FRMD5: variants seen among roughly 807,000 people sequenced by gnomAD.
The protein encoded by FRMD5 is FERM domain-containing protein 5.
In FRMD5, 20 loss-of-function variants were observed where a neutral mutation model predicts 69.0. The ratio of observed to expected loss-of-function variants is 0.29; its 90% CI spans 0.20 to 0.42. FRMD5 has a LOEUF of 0.42. FRMD5 is among the 10% of genes least tolerant of loss of function. The probability of loss-of-function intolerance (pLI) is 1.00; values close to 1 mark genes in which losing one functional copy is unlikely to be tolerated. For synonymous variants in FRMD5, 271 were observed against 260.1 expected (o/e 1.04, Z -0.40); for missense variants, 595 against 708.6 (o/e 0.84, Z 1.82).
At chr15:43,978,148 G>A (rs1193091157) in intron 1 of FRMD5, among the ~76,000 whole-genome samples, 1 of 152,212 alleles carries the variant, frequency 6.6e-6, no homozygotes, top group Non-Finnish European at 1.5e-5. Context: ...CCGTTGAGTT[G>A]CCTTCTCTCT....
intron 1 of FRMD5, among the ~76,000 whole-genome samples, chr15:44,122,884 CTG>C (rs2076974009): frequency 9.3e-6 from 1 of 107,890 alleles, no homozygotes; most frequent in Non-Finnish European, 2.1e-5. Context: ...GAGCAAGACT[CTG>C]TATCAAAAAA....
At chr15:44,066,096 T>G (rs1396821013) in intron 1 of FRMD5, among the ~76,000 whole-genome samples, 1 of 152,196 alleles carries the variant, frequency 6.6e-6, no homozygotes. Flanking sequence ...ATAAATTACC[T>G]TCTCAGTTTC....
In FRMD5 at chr15:43,960,888, A is replaced by G. The variant is rs16951483; in HGVS notation, c.103-36579T>C. Among the ~76,000 whole-genome samples, 1,082 of 152,336 alleles carry G rather than the reference A, an allele frequency of 7.1e-3. 17 individuals are homozygous for G. The highest frequency in any genetic ancestry group is 0.025 in the African/African-American group (1,026 of 41,572). On this transcript the variant is annotated intron_variant, in intron 1 of 13. Transcript: ENST00000417257. ...TAGACAAATTGAAGTCTAATCTTGT[A>G]TTTGAAAAAAACCTAAACTACATAG... is the stretch of plus-strand genomic sequence containing the variant.
intron 1 of FRMD5, among the ~76,000 whole-genome samples, chr15:43,974,380 G>A (rs2090432960): frequency 6.6e-6 from 1 of 152,144 alleles, no homozygotes; most frequent in Middle Eastern, 3.2e-3. Context: ...CTATCCAGTT[G>A]TCCAGAAATT....
In FRMD5 at chr15:44,045,995, A is replaced by G. The variant is rs369860436; in HGVS notation, c.103-121686T>C. On this transcript the variant is annotated intron_variant, in intron 1 of 13. Transcript: ENST00000417257. ...GTTGTATAGTCTCTTTGCTGCTATC[A>G]TTATGCACAGCACTGAAATGTTACT... 2.3e-4 allele frequency among the ~76,000 whole-genome samples: 35 copies of G among 152,280 alleles called. No individual in the cohort carries two copies. In the East Asian group the frequency reaches 6.4e-3, roughly 28 times the overall value.
In FRMD5 at chr15:43,905,883, T is replaced by G. The variant is rs1392315445; in HGVS notation, c.496A>C (p.Lys166Gln). Residue 166 changes from lysine (K) to glutamine (Q), a missense_variant, in exon 6 of 14, where the codon AAA (lysine) becomes CAA (glutamine). This residue lies in a region of FRMD5 where 51 missense variants were observed against 41.7 expected (regional missense o/e 1.22). Coordinates refer to ENST00000417257, the MANE Select transcript of FRMD5 (RefSeq NM_032892.5). Reference sequence around the variant, plus strand: ...TTCCTTTCCAGCTTCTCTGAATGTTTAGGGAAAAACTGGAACTTGGAGCTG... The same window carrying G: ...TTCCTTTCCAGCTTCTCTGAATGTTGAGGGAAAAACTGGAACTTGGAGCTG... ...GYSSKFQFFP[K>Q]HSEKLERKIA... 1 of 1,614,244 alleles carries G rather than the reference T, an allele frequency of 6.2e-7. No individual in the cohort carries two copies. The highest frequency in any genetic ancestry group is 1.7e-5 in the Admixed American group (1 of 60,032).
chr15:43,918,148 G>A (rs1340712207), intron 4 of FRMD5, among the ~76,000 whole-genome samples: 2 of 152,130 alleles, frequency 1.3e-5, no homozygotes, highest in East Asian at 1.9e-4. Context: ...AATTCTGGCC[G>A]GGCACGGTGG....
intron 1 of FRMD5, among the ~76,000 whole-genome samples, chr15:44,010,833 C>T (rs1461101987): frequency 6.6e-6 from 1 of 151,998 alleles, no homozygotes; most frequent in Non-Finnish European, 1.5e-5. Context: ...GGCAAAAGAG[C>T]CCTAACTGTG....
At chr15:43,929,844 C>T (rs963254818) in intron 1 of FRMD5, among the ~76,000 whole-genome samples, 5 of 152,142 alleles carry the variant, frequency 3.3e-5, no homozygotes, top group Non-Finnish European at 7.4e-5. Context: ...GCTTTCCTTC[C>T]ATGCCTTTTA....
intron 1 of FRMD5, among the ~76,000 whole-genome samples, chr15:44,085,493 C>G (rs534734509): frequency 1.1e-4 from 16 of 152,132 alleles, no homozygotes; most frequent in Non-Finnish European, 1.6e-4. Flanking sequence ...AGTAAGAAAA[C>G]AGAAGAGAAA....
intron 1 of FRMD5, among the ~76,000 whole-genome samples, chr15:44,020,790 TA>T (rs2140250402): frequency 6.6e-6 from 1 of 152,268 alleles, no homozygotes; most frequent in African/African-American, 2.4e-5. Flanking sequence ...CCCTGATTTG[TA>T]GTGTTTGTTG....
chr15:43,923,426 A>C (rs1246726121), intron 2 of FRMD5, among the ~76,000 whole-genome samples: 2 of 152,194 alleles, frequency 1.3e-5, no homozygotes, highest in Non-Finnish European at 2.9e-5. Context: ...AGGAAGTAAA[A>C]GTCTAAGCTG....
At chr15:44,122,534 G>A (rs1566957675) in intron 1 of FRMD5, among the ~76,000 whole-genome samples, 2 of 151,900 alleles carry the variant, frequency 1.3e-5, no homozygotes, top group Non-Finnish European at 2.9e-5. Flanking sequence ...AGCAGAGACC[G>A]CACCAGCCTG....
chr15:44,014,515 T>C (rs917750443), intron 1 of FRMD5, among the ~76,000 whole-genome samples: 3 of 152,174 alleles, frequency 2.0e-5, no homozygotes, highest in Admixed American at 2.0e-4. Flanking sequence ...GGCGGGAAGA[T>C]TGCCTGAGGT....
intron 1 of FRMD5, among the ~76,000 whole-genome samples, chr15:43,973,699 G>T (rs530134810): frequency 6.6e-6 from 1 of 152,006 alleles, no homozygotes; most frequent in African/African-American, 2.4e-5. Context: ...AGATCATATT[G>T]AGCATGATAC....
chr15:44,161,396 T>G (rs762078101), intron 1 of FRMD5, among the ~76,000 whole-genome samples: 9 of 152,150 alleles, frequency 5.9e-5, no homozygotes, highest in Non-Finnish European at 8.8e-5. Flanking sequence ...ATAAGCCTCT[T>G]TAGGATACCT....
rs181453513 is a variant in FRMD5, at chr15:44,040,942, G to A, written c.103-116633C>T. ...ACCCATCTCATCTGCAAAGACACAC[G>A]TAGGCTCAAAATAAAGGGATGGAGG... On this transcript the variant is annotated intron_variant, in intron 1 of 13. Transcript: ENST00000417257. Among the ~76,000 whole-genome samples, 455 of 125,832 alleles carry A rather than the reference G, an allele frequency of 3.6e-3. 1 individual carries two copies. The Middle Eastern group carries it at 0.036, about 10-fold the overall frequency. 82.6% of individuals were successfully genotyped at this position (125,832 alleles called of 152,430 possible).
intron 1 of FRMD5, among the ~76,000 whole-genome samples, chr15:43,962,751 GCA>G (rs1566864887): frequency 6.6e-6 from 1 of 152,076 alleles, no homozygotes; most frequent in African/African-American, 2.4e-5. Context: ...AAATAATGCC[GCA>G]TATCTACAAC....
chr15:44,139,073 TA>T (rs899229711), intron 1 of FRMD5, among the ~76,000 whole-genome samples: 3 of 151,984 alleles, frequency 2.0e-5, no homozygotes, highest in African/African-American at 7.3e-5. Flanking sequence ...CTGAATATAC[TA>T]AAAAAATGAC....
Sources: gnomAD v4.1 joint callset for allele counts (sites outside exome capture counted in the v4.1 genomes callset) on GRCh38, gnomAD v4.1.1 for gene constraint, gnomAD v4.1.1 regional missense constraint, MANE v1.5 for transcripts, NCBI Gene and HGNC (gene_info 2026-07-23, HGNC 2026-07-21) for gene names.